Variants in TDRD12 observed in about 807,000 individuals in gnomAD.
TDRD12 encodes putative ATP-dependent RNA helicase TDRD12.
Under a neutral mutation model 133.5 loss-of-function variants are expected in TDRD12, and 158 were observed. The ratio of observed to expected loss-of-function variants is 1.18; its 90% CI spans 1.04 to 1.35. The LOEUF (loss-of-function observed/expected upper bound fraction) is 1.35. Among genes scored for constraint, TDRD12 ranks in the 40% most tolerant of loss-of-function variants. The pLI is 0.00. For synonymous variants in TDRD12, 460 were observed against 477.9 expected (o/e 0.96, Z 0.49); for missense variants, 1,443 against 1,321.3 (o/e 1.09, Z -1.43).
intron 3 of TDRD12, among the ~76,000 whole-genome samples, chr19:32,740,320 ACTCTCTGCATCTCCTGGGTG>A (rs1568451313): frequency 2.6e-4 from 14 of 53,570 alleles, no homozygotes; most frequent in South Asian, 2.2e-3. Flanking sequence ...TCTCCTGGGT[ACTCTCTGCATCTCCTGGGTG>A]CTCTCTGCAT....
chr19:32,810,303 T>G, intron 23 of TDRD12, 26 bp downstream of exon 23: 1 of 1,469,446 alleles, frequency 6.8e-7, no homozygotes, highest in Non-Finnish European at 9.0e-7. Flanking sequence ...ACTTCATCTG[T>G]AAAGTTTTGA....
intron 3 of TDRD12, 145 bp downstream of exon 3, chr19:32,739,137 C>T: frequency 9.6e-7 from 1 of 1,041,284 alleles, no homozygotes; most frequent in Non-Finnish European, 1.4e-6. Context: ...AGAAGGGGTG[C>T]TTTCTGGGTT....
intron 21 of TDRD12, among the ~76,000 whole-genome samples, chr19:32,806,983 G>A (rs762248209): frequency 9.9e-5 from 15 of 152,038 alleles, no homozygotes; most frequent in Non-Finnish European, 1.9e-4. Context: ...CTTTTAAAAC[G>A]GCAATTTCAA....
At chr19:32,742,848 A>G (rs763261904) in exon 4 of TDRD12, 1 of 1,551,860 alleles carries the variant, frequency 6.4e-7, no homozygotes, top group Non-Finnish European at 8.7e-7. Context: ...CCTGTACTGC[A>G]CAAAGCCTGT....
chr19:32,800,694 T>C, exon 18 of TDRD12: 1 of 1,535,810 alleles, frequency 6.5e-7, no homozygotes. Context: ...TACTCCAAGC[T>C]CTTGATTTTA....
downstream of TDRD12, among the ~76,000 whole-genome samples, chr19:32,823,449 T>C (rs1266966242): frequency 6.6e-6 from 1 of 152,074 alleles, no homozygotes; most frequent in Non-Finnish European, 1.5e-5. Flanking sequence ...TAGACGCATT[T>C]CATTATTGCC....
chr19:32,827,155 C>A lies in TDRD12; in HGVS notation c.1050-9C>A. ...TACACTTATTTGTTATAATATCTTA[C>A]TCCTTTAGTAGTGAATTCTAAAAAC... On this transcript the variant is annotated splice_polypyrimidine_tract_variant and intron_variant, in intron 9 of 9. Coordinates refer to the TDRD12 transcript ENST00000637289. 1 of 1,196,030 alleles carries A rather than the reference C, an allele frequency of 8.4e-7. No individual in the cohort carries two copies. Among genetic ancestry groups the A allele is most frequent in the Non-Finnish European group, 1.0e-6 (1 of 955,248 alleles). The allele number at this position is 1,196,030 out of a possible 1,614,324, so 74.1% of individuals were successfully genotyped here. A position where few individuals can be genotyped will look rare whatever the true frequency, so the allele number is the denominator to read the frequency against.
At chr19:32,742,785 C>A (rs1255326436) in exon 4 of TDRD12, 3 of 1,550,652 alleles carry the variant, frequency 1.9e-6, no homozygotes, top group Non-Finnish European at 8.7e-7. Flanking sequence ...TTTTAGCATC[C>A]GAGTTGTAGT....
chr19:32,753,286 A>G (rs1274226557), intron 6 of TDRD12, among the ~76,000 whole-genome samples: 1 of 152,164 alleles, frequency 6.6e-6, no homozygotes, highest in Non-Finnish European at 1.5e-5. Context: ...TTCTGTATCC[A>G]TCTGTACACA....
intron 8 of TDRD12, among the ~76,000 whole-genome samples, chr19:32,764,362 A>T (rs1970236769): frequency 6.6e-6 from 1 of 152,014 alleles, no homozygotes; most frequent in South Asian, 2.1e-4. Context: ...TGCCCACCTC[A>T]GCCTCCTAAA....
At chr19:32,774,294 A>G (rs572579623) in intron 10 of TDRD12, among the ~76,000 whole-genome samples, 1 of 152,294 alleles carries the variant, frequency 6.6e-6, no homozygotes, top group Non-Finnish European at 1.5e-5. Context: ...TATTCTAGAG[A>G]GAGTTAACTA....
intron 2 of TDRD12, 115 bp downstream of exon 2, chr19:32,731,998 G>A (rs1969072183): frequency 9.2e-7 from 1 of 1,083,382 alleles, no homozygotes; most frequent in Admixed American, 3.3e-5. Context: ...CTTACACTCA[G>A]TGCCTTGTGT....
intron 6 of TDRD12, among the ~76,000 whole-genome samples, chr19:32,752,427 G>A (rs1018340410): frequency 2.6e-5 from 4 of 151,924 alleles, no homozygotes; most frequent in Admixed American, 1.3e-4. Context: ...TGATCCACCC[G>A]TCTTGGCCTC....
intron 8 of TDRD12, among the ~76,000 whole-genome samples, chr19:32,759,950 A>G (rs895517115): frequency 1.3e-5 from 2 of 152,206 alleles, no homozygotes; most frequent in Non-Finnish European, 2.9e-5. Context: ...GCCTCAGCGC[A>G]TGTGGCCCCT....
At chr19:32,825,421 C>T (rs999519787), downstream of TDRD12, among the ~76,000 whole-genome samples, 2 of 152,124 alleles carry the variant, frequency 1.3e-5, no homozygotes, top group South Asian at 2.1e-4. This position sits in a 1 kb window ranked among gnomAD's most constrained non-coding sequence, Gnocchi z 4.1. Context: ...GCTCCTCGTG[C>T]GTGCTGGCCG....
At position 32,792,560 on chromosome 19, in the gene TDRD12, G is replaced by A. The variant is rs147017542; in HGVS notation, c.1287+1492G>A. On this transcript the variant is annotated intron_variant, in intron 13 of 27. Transcript: ENST00000444215. Reference sequence around the variant, plus strand: ...AAGTAGAGGAAAAAGGCAAAGAGACGGAAATAGGAGGAAAAATTTTTGAGG... The same window carrying A: ...AAGTAGAGGAAAAAGGCAAAGAGACAGAAATAGGAGGAAAAATTTTTGAGG... 4.5e-3 allele frequency among the ~76,000 whole-genome samples: 680 copies of A among 152,232 alleles called. 5 individuals carry two copies. Among genetic ancestry groups the A allele is most frequent in the African/African-American group, 0.015 (639 of 41,542 alleles).
chr19:32,730,557 C>CT (rs1969019104), intron 1 of TDRD12, among the ~76,000 whole-genome samples: 7 of 152,242 alleles, frequency 4.6e-5, no homozygotes, highest in East Asian at 1.9e-4. Context: ...AACTACTGTT[C>CT]TTTTTTCTGA....
exon 24 of TDRD12, chr19:32,811,317 T>C: frequency 6.5e-7 from 1 of 1,536,138 alleles, no homozygotes; most frequent in Non-Finnish European, 8.7e-7. Context: ...AGGGACCAGC[T>C]GCTGCATCTC....
chr19:32,795,265 G>A (rs1270270811), intron 14 of TDRD12, among the ~76,000 whole-genome samples: 10 of 150,688 alleles, frequency 6.6e-5, no homozygotes, highest in East Asian at 5.9e-4. Context: ...CCTGGGAGGC[G>A]AAGGTTGCAG....
Sources: gnomAD v4.1 joint callset for allele counts (sites outside exome capture counted in the v4.1 genomes callset) on GRCh38, gnomAD v4.1.1 for gene constraint, Gnocchi (gnomAD v3.1) non-coding constraint, MANE v1.5 for transcripts, NCBI Gene and HGNC (gene_info 2026-07-23, HGNC 2026-07-21) for gene names.